The following SORBS2 variants were observed in gnomAD, a reference collection of about 807,000 sequenced individuals.
SORBS2 encodes sorbin and SH3 domain-containing protein 2.
In SORBS2, 46 loss-of-function variants were observed where a neutral mutation model predicts 97.7. The observed-to-expected ratio is 0.47, with a 90% CI of 0.37 to 0.60. The LOEUF (loss-of-function observed/expected upper bound fraction) is 0.60. Ranked by LOEUF, SORBS2 falls within the 20% of genes least tolerant of loss-of-function variation. The pLI, the probability that SORBS2 is intolerant of heterozygous loss-of-function variation, is 0.00. For synonymous variants in SORBS2, 476 were observed against 473.4 expected (o/e 1.01, Z -0.07); for missense variants, 1,316 against 1,282.3 (o/e 1.03, Z -0.40).
chr4:185,924,233 C>T (rs1479486680), intron 1 of SORBS2, among the ~76,000 whole-genome samples: 3 of 152,146 alleles, frequency 2.0e-5, no homozygotes, highest in East Asian at 1.9e-4. Flanking sequence ...CAAGAAAAGA[C>T]GAGTAGTCCA....
At chr4:185,938,827 C>G (rs1488790255) in intron 1 of SORBS2, among the ~76,000 whole-genome samples, 1 of 152,186 alleles carries the variant, frequency 6.6e-6, no homozygotes, top group East Asian at 1.9e-4. Context: ...TATTCTCCCC[C>G]TGTACACATG....
At chr4:185,782,983 C>G (rs1464990430) in intron 1 of SORBS2, among the ~76,000 whole-genome samples, 1 of 152,160 alleles carries the variant, frequency 6.6e-6, no homozygotes. Flanking sequence ...CATCAAGATA[C>G]AGCATGAAAC....
intron 5 of SORBS2, among the ~76,000 whole-genome samples, 190 bp from the exon 18 acceptor site, chr4:185,627,209 G>A (rs750862561): frequency 6.6e-6 from 1 of 152,094 alleles, no homozygotes; most frequent in Non-Finnish European, 1.5e-5. Context: ...AAAATGAATA[G>A]ACCTTATTAT....
intron 1 of SORBS2, among the ~76,000 whole-genome samples, chr4:185,825,513 T>C (rs1210862461): frequency 6.6e-6 from 1 of 152,258 alleles, no homozygotes; most frequent in African/African-American, 2.4e-5. Context: ...CTCCTGTTTG[T>C]TTTATTTGGA....
intron 2 of SORBS2, among the ~76,000 whole-genome samples, chr4:185,752,369 G>A (rs1435295984): frequency 1.3e-5 from 2 of 152,206 alleles, no homozygotes; most frequent in East Asian, 1.9e-4. Flanking sequence ...TCCGCCTCCC[G>A]GGTTCGCGCC....
intron 2 of SORBS2, among the ~76,000 whole-genome samples, chr4:185,691,953 T>C (rs1455238037): frequency 6.6e-6 from 1 of 152,232 alleles, no homozygotes; most frequent in Non-Finnish European, 1.5e-5. Context: ...TTCACCATGT[T>C]AGCCAGGATG....
chr4:185,925,336 G>A (rs981468456), intron 1 of SORBS2, among the ~76,000 whole-genome samples: 1 of 152,282 alleles, frequency 6.6e-6, no homozygotes, highest in South Asian at 2.1e-4. Context: ...TAGCCCTAGA[G>A]GCAGAATAGG....
intron 2 of SORBS2, among the ~76,000 whole-genome samples, chr4:185,708,219 C>T (rs189298494): frequency 1.1e-4 from 16 of 152,324 alleles, no homozygotes; most frequent in South Asian, 2.1e-4. Flanking sequence ...GCAGCATCCT[C>T]ATCAATGTAT....
At chr4:185,919,995 T>C (rs2149916585) in intron 1 of SORBS2, among the ~76,000 whole-genome samples, 1 of 152,362 alleles carries the variant, frequency 6.6e-6, no homozygotes, top group Non-Finnish European at 1.5e-5. Flanking sequence ...TCTTCCTCAA[T>C]AATATGAATA....
chr4:185,812,343 G>A (rs2099188143), intron 1 of SORBS2, 149 bp from the exon 1 acceptor site: 2 of 152,214 alleles, frequency 1.3e-5, no homozygotes, highest in African/African-American at 4.8e-5. Context: ...CACTCACACA[G>A]CTTGTTAATT....
chr4:185,903,579 CT>C (rs975643024), intron 1 of SORBS2, among the ~76,000 whole-genome samples: 19 of 152,292 alleles, frequency 1.2e-4, no homozygotes, highest in Admixed American at 1.0e-3. Flanking sequence ...GCTCTCCCCC[CT>C]GCCACCGCCA....
chr4:185,743,123 A>T (rs1583906832), intron 2 of SORBS2, among the ~76,000 whole-genome samples: 1 of 152,210 alleles, frequency 6.6e-6, no homozygotes, highest in African/African-American at 2.4e-5. Context: ...GAGGTTCCGG[A>T]GTGCTACTCT....
At chr4:185,709,716 C>T (rs1365194017) in intron 2 of SORBS2, among the ~76,000 whole-genome samples, 1 of 151,990 alleles carries the variant, frequency 6.6e-6, no homozygotes, top group Non-Finnish European at 1.5e-5. Flanking sequence ...GTTCAAGATC[C>T]TCCCATCTCC....
Position 185,674,273 on chromosome 4 carries a change from C to T in SORBS2, c.-46+4150G>A, listed in dbSNP as rs140440770. Among the ~76,000 whole-genome samples the T allele has an allele frequency of 6.1e-4, 93 of 152,314 alleles. 1 individual carries two copies. In the South Asian group the frequency reaches 1.0e-2, roughly 16 times the overall value. ...ACAGCTGTCCAGTCTCAGCTGATGG[C>T]GATGCTATCTTCCAGTTGGAGTCAA... On this transcript the variant is annotated intron_variant, in intron 4 of 20. Transcript: ENST00000284776.
intron 2 of SORBS2, among the ~76,000 whole-genome samples, chr4:185,729,409 G>A (rs2098595840): frequency 6.6e-6 from 1 of 152,166 alleles, no homozygotes; most frequent in Non-Finnish European, 1.5e-5. Flanking sequence ...TCCATTTTCT[G>A]AATAAGTAAC....
chr4:185,869,571 G>A (rs1249758725), intron 1 of SORBS2, among the ~76,000 whole-genome samples: 1 of 152,242 alleles, frequency 6.6e-6, no homozygotes, highest in Non-Finnish European at 1.5e-5. Context: ...CAATAAGGCA[G>A]ATGCGAACAT....
At chr4:185,848,168 C>A (rs916403454) in intron 1 of SORBS2, among the ~76,000 whole-genome samples, 1 of 152,044 alleles carries the variant, frequency 6.6e-6, no homozygotes, top group Non-Finnish European at 1.5e-5. Context: ...GAAGGGGATG[C>A]GCGGTGATGA....
chr4:185,880,340 G>T (rs193283601), intron 1 of SORBS2, among the ~76,000 whole-genome samples: 2 of 152,324 alleles, frequency 1.3e-5, no homozygotes, highest in Admixed American at 1.3e-4. Context: ...CATGAGAGGG[G>T]TGATATGGTT....
chr4:185,751,103 A>G (rs984468337), intron 2 of SORBS2, among the ~76,000 whole-genome samples: 4 of 149,498 alleles, frequency 2.7e-5, no homozygotes, highest in Admixed American at 1.4e-4. Context: ...TCAACAAATC[A>G]TAGAGGAATT....
Sources: allele counts gnomAD v4.1 joint callset (sites outside exome capture counted in the v4.1 genomes callset), GRCh38; gene constraint gnomAD v4.1.1; transcripts MANE v1.5; gene names NCBI Gene and HGNC (gene_info 2026-07-23, HGNC 2026-07-21).